CCDC149: variants seen among roughly 807,000 people sequenced by gnomAD.
CCDC149 encodes the protein coiled-coil domain containing 149.
Under a neutral mutation model 59.9 loss-of-function variants are expected in CCDC149, and 45 were observed. The observed-to-expected ratio is 0.75, with a 90% CI of 0.59 to 0.96. The LOEUF (loss-of-function observed/expected upper bound fraction) is 0.96. Ranked by LOEUF, CCDC149 falls within the 40% of genes least tolerant of loss-of-function variation. CCDC149 has a pLI of 0.00. For synonymous variants in CCDC149, 245 were observed against 260.6 expected (o/e 0.94, Z 0.58); for missense variants, 584 against 664.7 (o/e 0.88, Z 1.33).
At chr4:24,931,331 A>ATATATATATATATATATC (rs1394185015) in intron 1 of CCDC149, among the ~76,000 whole-genome samples, 10 of 147,524 alleles carry the variant, frequency 6.8e-5, no homozygotes, top group African/African-American at 2.3e-4. Flanking sequence ...ATATATATAT[A>ATATATATATATATATATC]TCTCAGTACA....
chr4:24,823,539 T>C (rs1415545248), intron 9 of CCDC149, among the ~76,000 whole-genome samples: 1 of 152,222 alleles, frequency 6.6e-6, no homozygotes, highest in Non-Finnish European at 1.5e-5. Flanking sequence ...TATGTGGAAA[T>C]CACCTTAATA....
chr4:24,811,405 T>C (rs947022628), intron 12 of CCDC149, among the ~76,000 whole-genome samples: 2 of 152,090 alleles, frequency 1.3e-5, no homozygotes, highest in African/African-American at 2.4e-5. Flanking sequence ...TGTAGCATAC[T>C]TTCCCATTGG....
intron 1 of CCDC149, among the ~76,000 whole-genome samples, chr4:24,974,267 G>A (rs1295679251): frequency 6.6e-6 from 1 of 152,178 alleles, no homozygotes; most frequent in African/African-American, 2.4e-5. Flanking sequence ...CATCAGTTCC[G>A]CATCCCGCAC....
chr4:24,873,243 C>T (rs1422367559), intron 3 of CCDC149, among the ~76,000 whole-genome samples: 1 of 152,020 alleles, frequency 6.6e-6, no homozygotes, highest in Non-Finnish European at 1.5e-5. Context: ...AGTATACAGC[C>T]ACAGAATGAT....
chr4:24,835,489 T>C (rs1455900755), intron 7 of CCDC149, among the ~76,000 whole-genome samples: 1 of 152,226 alleles, frequency 6.6e-6, no homozygotes, highest in African/African-American at 2.4e-5. Flanking sequence ...GAAGTACATA[T>C]GTGCCACCTA....
intron 1 of CCDC149, among the ~76,000 whole-genome samples, chr4:24,970,661 C>T (rs1190947600): frequency 1.3e-5 from 2 of 152,222 alleles, no homozygotes; most frequent in Non-Finnish European, 2.9e-5. Context: ...GGATTTTGTG[C>T]CCCCTGGCAG....
At position 24,903,024 on chromosome 4, in the gene CCDC149, C is replaced by CAAAAAAAAA. The variant is rs10646050; in HGVS notation, c.63+9784_63+9792dup. 3.1e-3 allele frequency among the ~76,000 whole-genome samples: 164 copies of CAAAAAAAAA among 52,468 alleles called. 5 individuals are homozygous for CAAAAAAAAA. Among genetic ancestry groups the CAAAAAAAAA allele is most frequent in the Middle Eastern group, 0.034 (2 of 58 alleles). The allele number at this position is 52,468 out of a possible 152,430, so 34.4% of individuals were successfully genotyped here. On this transcript the variant is annotated intron_variant, in intron 1 of 12. Coordinates refer to ENST00000635206, the MANE Select transcript of CCDC149 (RefSeq NM_001330643.2). ...TGGGCAACAGAGTGAGAGTCTAACT[C>CAAAAAAAAA]AAAAAAAAAAAAAAAAAAAAAAAGA...
At chr4:24,905,423 G>A (rs1721433511) in intron 1 of CCDC149, among the ~76,000 whole-genome samples, 1 of 111,336 alleles carries the variant, frequency 9.0e-6, no homozygotes, top group Non-Finnish European at 1.8e-5. Context: ...GCGTGTGTGT[G>A]TGTGTGTGTG....
rs1056908411 is a variant in CCDC149, at chr4:24,924,970, C to T, written c.-64-29852G>A. Among the ~76,000 whole-genome samples the T allele has an allele frequency of 7.9e-5, 12 of 152,288 alleles. No individual in the cohort carries two copies. In the South Asian group the frequency reaches 1.9e-3, roughly 24 times the overall value. On this transcript the variant is annotated intron_variant, in intron 1 of 12. Transcript: ENST00000389609. Reference sequence around the variant, plus strand: ...ATATACAAAATGAATAACCTTTCTTCGAAGACACCCAAAGTTTTGTCCTGT... The same window carrying T: ...ATATACAAAATGAATAACCTTTCTTTGAAGACACCCAAAGTTTTGTCCTGT...
intron 7 of CCDC149, among the ~76,000 whole-genome samples, chr4:24,836,031 G>A (rs905313297): frequency 8.5e-5 from 13 of 152,148 alleles, no homozygotes; most frequent in Admixed American, 6.5e-5. Flanking sequence ...TTCATCACTC[G>A]GAAACCATTT....
intron 12 of CCDC149, among the ~76,000 whole-genome samples, chr4:24,811,872 CAA>C (rs35269758): frequency 0.01 from 1,391 of 134,974 alleles, 15 homozygotes; most frequent in African/African-American, 0.028. Flanking sequence ...GACTCCGACT[CAA>C]AAAAAAAAAA....
chr4:24,854,160 C>T (rs912030176), intron 3 of CCDC149, among the ~76,000 whole-genome samples: 2 of 152,156 alleles, frequency 1.3e-5, no homozygotes, highest in Admixed American at 1.3e-4. Flanking sequence ...GATTCCTGGC[C>T]GCCCATCTAG....
chr4:24,973,886 G>T (rs1370260752), intron 1 of CCDC149, among the ~76,000 whole-genome samples: 1 of 152,252 alleles, frequency 6.6e-6, no homozygotes, highest in Non-Finnish European at 1.5e-5. Context: ...GAACAGAGCT[G>T]CCTGCCTTAA....
intron 4 of CCDC149, among the ~76,000 whole-genome samples, chr4:24,839,475 G>A (rs887942292): frequency 1.6e-4 from 25 of 152,120 alleles, no homozygotes; most frequent in Admixed American, 4.6e-4. Context: ...CACCGTGCCC[G>A]GCCTTTACTT....
At chr4:24,973,534 G>A (rs1053834196) in intron 1 of CCDC149, among the ~76,000 whole-genome samples, 1 of 152,256 alleles carries the variant, frequency 6.6e-6, no homozygotes, top group African/African-American at 2.4e-5. Flanking sequence ...GATTAAGCAT[G>A]CCTGAGGCTA....
intron 1 of CCDC149, among the ~76,000 whole-genome samples, chr4:24,925,529 T>C (rs2109338838): frequency 6.6e-6 from 1 of 152,346 alleles, no homozygotes; most frequent in East Asian, 1.9e-4. Flanking sequence ...TTGTTTTACT[T>C]TGTATCAATG....
chr4:24,879,443 G>T (rs1719692533), intron 1 of CCDC149, among the ~76,000 whole-genome samples: 1 of 151,828 alleles, frequency 6.6e-6, no homozygotes, highest in South Asian at 2.1e-4. Flanking sequence ...CTTGAACCCG[G>T]GAGGCAGAGG....
intron 1 of CCDC149, among the ~76,000 whole-genome samples, chr4:24,903,216 C>T (rs1271267617): frequency 6.6e-6 from 1 of 152,020 alleles, no homozygotes; most frequent in African/African-American, 2.4e-5. Context: ...TAACAACTGA[C>T]TGGCTTTTCC....
intron 4 of CCDC149, among the ~76,000 whole-genome samples, chr4:24,845,230 C>T (rs190609310): frequency 1.3e-5 from 2 of 152,358 alleles, no homozygotes; most frequent in East Asian, 3.9e-4. Flanking sequence ...CCTAAGCTCG[C>T]TCCCCTCACA....
Sources: allele counts gnomAD v4.1 joint callset (sites outside exome capture counted in the v4.1 genomes callset), GRCh38; gene constraint gnomAD v4.1.1; transcripts MANE v1.5; gene names NCBI Gene and HGNC (gene_info 2026-07-23, HGNC 2026-07-21).